C1D: variants seen among roughly 807,000 people sequenced by gnomAD.
The protein encoded by C1D is C1D nuclear receptor corepressor.
A neutral mutation model predicts 17.5 loss-of-function variants in C1D; 10 were observed. The ratio of observed to expected loss-of-function variants is 0.57; its 90% CI spans 0.35 to 0.97. The LOEUF (loss-of-function observed/expected upper bound fraction) is 0.97. Ranked by LOEUF, C1D falls within the 50% of genes least tolerant of loss-of-function variation. The probability of loss-of-function intolerance (pLI) is 0.01; values close to 1 mark genes in which losing one functional copy is unlikely to be tolerated. For missense variants in C1D, 136 were observed against 160.1 expected (o/e 0.85, Z 0.81); for synonymous variants, 49 against 54.0 (o/e 0.91, Z 0.40).
At chr2:68,056,044 T>C (rs1052618125) in intron 1 of C1D, among the ~76,000 whole-genome samples, 9 of 152,186 alleles carry the variant, frequency 5.9e-5, no homozygotes, top group African/African-American at 2.2e-4. Flanking sequence ...TTGCTGAACA[T>C]ATAGTCTCAA....
At chr2:68,057,454 G>C (rs1474412737) in intron 1 of C1D, among the ~76,000 whole-genome samples, 2 of 152,126 alleles carry the variant, frequency 1.3e-5, no homozygotes, top group Non-Finnish European at 2.9e-5. Flanking sequence ...ACCACGCCCA[G>C]CTCATCCCAT....
intron 4 of C1D, among the ~76,000 whole-genome samples, chr2:68,045,383 T>G (rs1269995057): frequency 6.6e-6 from 1 of 152,250 alleles, no homozygotes; most frequent in Non-Finnish European, 1.5e-5. Flanking sequence ...TGATTTGATT[T>G]AATTTTTGAA....
intron 1 of C1D, among the ~76,000 whole-genome samples, chr2:68,048,094 T>C (rs779771722): frequency 1.3e-5 from 2 of 152,106 alleles, no homozygotes; most frequent in African/African-American, 4.8e-5. Context: ...CTATAAATCA[T>C]ATAAAGCCCA....
chr2:68,056,965 A>T (rs181335916), intron 1 of C1D, among the ~76,000 whole-genome samples: 63 of 152,352 alleles, frequency 4.1e-4, no homozygotes, highest in African/African-American at 1.4e-3. Flanking sequence ...AATGATCTTT[A>T]AAACAGTAAA....
rs970139120 is a variant in C1D at position 68,062,726 on chromosome 2, G to A, written c.-10+232C>T. The stretch of plus-strand genomic sequence containing the variant: ...AGACCGGAGCAAAAGAGAGAAATGA[G>A]GGGCCGGGGTAAGCCAAAGCCTGCA... On this transcript the variant is annotated intron_variant, in intron 1 of 4. Transcript: ENST00000410067. Among the ~76,000 whole-genome samples, 9 of 152,250 alleles carry A rather than the reference G, an allele frequency of 5.9e-5. No individual in the cohort carries two copies. The Middle Eastern group carries it at 0.01, about 173-fold the overall frequency.
chr2:68,053,400 C>A, intron 1 of C1D: 2 of 536,818 alleles, frequency 3.7e-6, no homozygotes, highest in Non-Finnish European at 6.2e-6. Context: ...TCAGGGTGGC[C>A]AATCCAGGCA....
intron 1 of C1D, among the ~76,000 whole-genome samples, chr2:68,059,510 G>A (rs941899569): frequency 6.6e-6 from 1 of 152,042 alleles, no homozygotes; most frequent in African/African-American, 2.4e-5. Flanking sequence ...TGCTCCCAAG[G>A]TTCTCTGAAT....
At chr2:68,046,961 A>G (rs1195501537) in intron 2 of C1D, among the ~76,000 whole-genome samples, 1 of 151,936 alleles carries the variant, frequency 6.6e-6, no homozygotes, top group Non-Finnish European at 1.5e-5. Context: ...TTTTTTTCCA[A>G]AACTAAGTTA....
At chr2:68,046,130 G>C in intron 3 of C1D, 87 bp from the exon 4 acceptor site, 1 of 988,840 alleles carries the variant, frequency 1.0e-6, no homozygotes, top group Non-Finnish European at 1.5e-6. Flanking sequence ...TCACAAAAAA[G>C]GAAAGTCCTA....
chr2:68,045,107 C>G (rs1176573105), intron 4 of C1D, among the ~76,000 whole-genome samples: 1 of 151,924 alleles, frequency 6.6e-6, no homozygotes, highest in Non-Finnish European at 1.5e-5. Context: ...ATGTCTTAGA[C>G]TACATGTTGA....
chr2:68,043,824 TA>T (rs923751736), intron 4 of C1D, among the ~76,000 whole-genome samples: 4 of 152,200 alleles, frequency 2.6e-5, no homozygotes, highest in African/African-American at 9.7e-5. Flanking sequence ...TGCAGAATCT[TA>T]AAATGTTTTC....
chr2:68,062,321 AAACTG>A (rs1671657291), intron 1 of C1D, among the ~76,000 whole-genome samples: 1 of 152,242 alleles, frequency 6.6e-6, no homozygotes, highest in Admixed American at 6.5e-5. Flanking sequence ...TATCAAGCCA[AAACTG>A]AACTGTAGTC....
chr2:68,050,425 CT>C (rs1236182623), intron 1 of C1D, among the ~76,000 whole-genome samples: 1 of 152,084 alleles, frequency 6.6e-6, no homozygotes, highest in Non-Finnish European at 1.5e-5. Context: ...TCCTTCCATC[CT>C]TTCTCAAATC....
intron 1 of C1D, among the ~76,000 whole-genome samples, chr2:68,049,389 A>G (rs1422751841): frequency 6.6e-6 from 1 of 152,228 alleles, no homozygotes; most frequent in Non-Finnish European, 1.5e-5. Context: ...TAAAGGTATA[A>G]GTATAGGGAT....
At chr2:68,048,703 G>A (rs142026297) in intron 1 of C1D, among the ~76,000 whole-genome samples, 56 of 152,134 alleles carry the variant, frequency 3.7e-4, no homozygotes, top group Non-Finnish European at 6.6e-4. Context: ...CAGTTAAGGC[G>A]ATAAGAAAAC....
chr2:68,053,317 G>A (rs1671341784), intron 1 of C1D: 6 of 1,064,466 alleles, frequency 5.6e-6, no homozygotes, highest in Non-Finnish European at 7.9e-6. Flanking sequence ...GTACCGATAG[G>A]AGAAAACAAG....
In C1D at chr2:68,042,844, G is replaced by A. The variant is rs776526473; in HGVS notation, c.*45C>T. ...ATTATTTTGCGGGGGGGGGGGGGGGGGGGAAGATGTACTTTTTGAATATGT... is the reference window on the plus strand; with the variant it reads ...ATTATTTTGCGGGGGGGGGGGGGGGAGGGAAGATGTACTTTTTGAATATGT... On this transcript the variant is annotated 3_prime_UTR_variant, in exon 5 of 5. Coordinates refer to ENST00000410067, the MANE Select transcript of C1D (RefSeq NM_173177.3). 9 of 341,386 alleles carry A rather than the reference G, an allele frequency of 2.6e-5. 1 individual carries two copies. In the African/African-American group the frequency reaches 3.2e-4, roughly 12 times the overall value. 21.1% of individuals were successfully genotyped at this position (341,386 alleles called of 1,614,324 possible). A position where few individuals can be genotyped will look rare whatever the true frequency, so the allele number is the denominator to read the frequency against.
chr2:68,059,381 T>G (rs1055549988), intron 1 of C1D, among the ~76,000 whole-genome samples: 1 of 152,178 alleles, frequency 6.6e-6, no homozygotes, highest in Admixed American at 6.5e-5. Context: ...CTCCTCTTCA[T>G]AACAGTCTCC....
rs566907592 is a variant in C1D at position 68,047,201 on chromosome 2, G to A, written c.110C>T (p.Ser37Phe). The change falls in exon 2 of 5, where the codon TCT (serine) becomes TTT (phenylalanine). Residue 37 changes from serine to phenylalanine, a missense_variant. By Grantham distance (155) the Ser-to-Phe change is radical. Transcript: ENST00000410067. ...AVDEMLKTMM[S>F]VSRNELLQKL... ...CTGCAACAACTCATTTCTAGAAACAGACATCATGGTCTTCAGCATCTCATC... is the reference window on the plus strand; with the variant it reads ...CTGCAACAACTCATTTCTAGAAACAAACATCATGGTCTTCAGCATCTCATC... 1 of 1,607,536 alleles carries A rather than the reference G, an allele frequency of 6.2e-7. No individual in the cohort carries two copies. The highest frequency in any genetic ancestry group is 2.2e-5 in the East Asian group (1 of 44,770).
Sources: allele counts gnomAD v4.1 joint callset (sites outside exome capture counted in the v4.1 genomes callset), GRCh38; gene constraint gnomAD v4.1.1; transcripts MANE v1.5; gene names NCBI Gene and HGNC (gene_info 2026-07-23, HGNC 2026-07-21).